Variants in GPR39 observed in about 807,000 individuals in gnomAD.
The protein encoded by GPR39 is G protein-coupled receptor 39.
A neutral mutation model predicts 18.4 loss-of-function variants in GPR39; 23 were observed. The observed-to-expected ratio is 1.25, with a 90% CI of 0.90 to 1.77. The LOEUF is 1.77. Among genes scored for constraint, GPR39 ranks in the 40% most tolerant of loss-of-function variants. The pLI, the probability that GPR39 is intolerant of heterozygous loss-of-function variation, is 0.00. For synonymous variants in GPR39, 280 were observed against 257.9 expected (o/e 1.09, Z -0.82); for missense variants, 647 against 602.4 (o/e 1.07, Z -0.78).
At chr2:132,505,623 G>T (rs767211413) in intron 1 of GPR39, among the ~76,000 whole-genome samples, 9 of 152,082 alleles carry the variant, frequency 5.9e-5, no homozygotes, top group African/African-American at 1.9e-4. Flanking sequence ...CACCTTGATA[G>T]CTCCTGCAAA....
rs567270327 is a variant in GPR39, at chr2:132,453,424, G to C, written c.856+35526G>C. Among the ~76,000 whole-genome samples, 56 of 152,246 alleles carry C rather than the reference G, an allele frequency of 3.7e-4. 1 individual carries two copies. Among genetic ancestry groups the C allele is most frequent in the African/African-American group, 1.3e-3 (53 of 41,526 alleles). ...GATTGCAAAAATTTTTTCCCATTCT[G>C]TAGGTTGCCTGTTCACTCTGACAGT... On this transcript the variant is annotated intron_variant, in intron 1 of 1. Coordinates refer to ENST00000329321, the MANE Select transcript of GPR39 (RefSeq NM_001508.3).
At chr2:132,423,830 T>A (rs1427127347) in intron 1 of GPR39, among the ~76,000 whole-genome samples, 11 of 152,230 alleles carry the variant, frequency 7.2e-5, no homozygotes. Context: ...CCCTCAACAC[T>A]GTACCTCATT....
intron 1 of GPR39, among the ~76,000 whole-genome samples, chr2:132,641,456 C>T (rs1681854427): frequency 6.6e-6 from 1 of 152,030 alleles, no homozygotes; most frequent in South Asian, 2.1e-4. Context: ...GGGAGCCTTG[C>T]TGCTCTGGGG....
intron 1 of GPR39, among the ~76,000 whole-genome samples, chr2:132,522,062 G>C (rs2104767607): frequency 6.6e-6 from 1 of 152,280 alleles, no homozygotes; most frequent in South Asian, 2.1e-4. Context: ...GTAGCATGGA[G>C]GCAAGCTCTT....
intron 1 of GPR39, among the ~76,000 whole-genome samples, chr2:132,618,237 C>T (rs1681374850): frequency 6.6e-6 from 1 of 152,256 alleles, no homozygotes; most frequent in Admixed American, 6.5e-5. Flanking sequence ...GTCACTCCAA[C>T]ATTCTCCCAT....
chr2:132,569,705 C>A (rs936341149), intron 1 of GPR39, among the ~76,000 whole-genome samples: 7 of 151,998 alleles, frequency 4.6e-5, no homozygotes, highest in Admixed American at 4.6e-4. Flanking sequence ...GTGTGCCTAC[C>A]CAAATCTCAT....
chr2:132,541,657 G>A (rs12478654), intron 1 of GPR39, among the ~76,000 whole-genome samples: 16,111 of 152,128 alleles, frequency 0.11, 1,016 homozygotes, highest in South Asian at 0.23. Flanking sequence ...GATTTGTGGT[G>A]GGGTGCGGGC....
Position 132,417,480 on chromosome 2 carries a change from G to A in GPR39, c.438G>A (p.Val146=). The stretch of plus-strand genomic sequence containing the variant: ...GTCACCCCTTCAGGTACAAGGCTGT[G>A]TCGGGACCTTGCCAGGTGAAGCTGC... ...AICHPFRYKA[V]SGPCQVKLLI... The change falls in exon 1 of 2, where the codon GTG becomes GTA. Residue 146 remains valine, a synonymous_variant. Transcript: ENST00000329321. 6.2e-7 allele frequency: 1 copy of A among 1,614,170 alleles called. No homozygotes were observed. The highest frequency in any genetic ancestry group is 2.2e-5 in the East Asian group (1 of 44,856).
intron 1 of GPR39, among the ~76,000 whole-genome samples, chr2:132,596,676 A>G (rs372217891): frequency 6.6e-6 from 1 of 151,338 alleles, no homozygotes; most frequent in African/African-American, 2.4e-5. Flanking sequence ...TGTGGCCTCT[A>G]CCTCTATTTT....
At chr2:132,519,648 A>T (rs1190470498) in intron 1 of GPR39, among the ~76,000 whole-genome samples, 1 of 152,114 alleles carries the variant, frequency 6.6e-6, no homozygotes, top group Non-Finnish European at 1.5e-5. Flanking sequence ...GATGCCCAGG[A>T]TAGGGGCATG....
intron 1 of GPR39, among the ~76,000 whole-genome samples, chr2:132,502,643 A>G (rs939798322): frequency 6.6e-6 from 1 of 152,144 alleles, no homozygotes; most frequent in Non-Finnish European, 1.5e-5. Flanking sequence ...AGTTTTTCTC[A>G]ATTATTCCCT....
chr2:132,640,086 C>A (rs552731708), intron 1 of GPR39, among the ~76,000 whole-genome samples: 1 of 152,150 alleles, frequency 6.6e-6, no homozygotes, highest in African/African-American at 2.4e-5. Context: ...TCAAGGTCTC[C>A]TCTTGATCTC....
intron 1 of GPR39, among the ~76,000 whole-genome samples, chr2:132,528,747 G>T (rs1476316763): frequency 6.6e-6 from 1 of 152,126 alleles, no homozygotes; most frequent in African/African-American, 2.4e-5. Flanking sequence ...TCTATTGTTG[G>T]TATATAGGAA....
intron 1 of GPR39, among the ~76,000 whole-genome samples, chr2:132,573,150 G>A (rs1295755263): frequency 6.6e-6 from 1 of 152,164 alleles, no homozygotes; most frequent in Non-Finnish European, 1.5e-5. Flanking sequence ...GAGATGCTCA[G>A]AGGCAGGTCT....
chr2:132,624,151 G>A (rs182533404), intron 1 of GPR39, among the ~76,000 whole-genome samples: 34 of 152,264 alleles, frequency 2.2e-4, no homozygotes, highest in Non-Finnish European at 4.3e-4. Context: ...TCAAGGTGTC[G>A]GTAGGGTTGG....
At chr2:132,429,945 A>T (rs1356860100) in intron 1 of GPR39, among the ~76,000 whole-genome samples, 1 of 152,226 alleles carries the variant, frequency 6.6e-6, no homozygotes, top group Non-Finnish European at 1.5e-5. Flanking sequence ...AAGTAGACTG[A>T]GTTAAATATG....
chr2:132,440,020 G>A (rs1447486409), intron 1 of GPR39, among the ~76,000 whole-genome samples: 1 of 152,164 alleles, frequency 6.6e-6, no homozygotes, highest in Non-Finnish European at 1.5e-5. Context: ...ATGACACCTA[G>A]TTATTCCCAT....
intron 1 of GPR39, among the ~76,000 whole-genome samples, chr2:132,597,376 C>T (rs903774549): frequency 6.6e-6 from 1 of 152,180 alleles, no homozygotes; most frequent in Non-Finnish European, 1.5e-5. Context: ...TGGATTTCAC[C>T]ACCTCATTCT....
At chr2:132,571,865 C>A (rs1680444860) in intron 1 of GPR39, among the ~76,000 whole-genome samples, 1 of 152,190 alleles carries the variant, frequency 6.6e-6, no homozygotes, top group Non-Finnish European at 1.5e-5. Context: ...GCTAGTGGAG[C>A]CCAGATGAGA....
Sources: allele counts gnomAD v4.1 joint callset (sites outside exome capture counted in the v4.1 genomes callset), GRCh38; gene constraint gnomAD v4.1.1; transcripts MANE v1.5; gene names NCBI Gene and HGNC (gene_info 2026-07-23, HGNC 2026-07-21).